AKAP19: variants seen among roughly 807,000 people sequenced by gnomAD.
The protein encoded by AKAP19 is A-kinase anchoring protein 19, also known as small A-kinase anchoring protein.
At chr2:189,987,303 C>A in the AKAP19 span, among the ~76,000 whole-genome samples, 6 of 152,194 alleles carry the variant, frequency 3.9e-5, no homozygotes, top group African/African-American at 1.2e-4. Context: ...TGCCTCCCAC[C>A]ATGATTCTGA....
the AKAP19 span, among the ~76,000 whole-genome samples, chr2:189,921,772 C>T: frequency 2.6e-5 from 4 of 152,136 alleles, no homozygotes; most frequent in African/African-American, 7.2e-5. Flanking sequence ...GTATGATCAG[C>T]TGGCAGTCAG....
the AKAP19 span, among the ~76,000 whole-genome samples, chr2:190,106,243 G>A: frequency 3.9e-5 from 6 of 152,150 alleles, no homozygotes; most frequent in Non-Finnish European, 7.3e-5. Context: ...TATCTGTTCT[G>A]AGGAGCCTAA....
At chr2:189,905,653 GT>G in the AKAP19 span, among the ~76,000 whole-genome samples, 6,970 of 152,020 alleles carry the variant, frequency 0.046, 519 homozygotes, top group African/African-American at 0.16. Flanking sequence ...TTAGTTACCT[GT>G]TTGAGGCAGT....
chr2:189,906,385 T>C, the AKAP19 span, among the ~76,000 whole-genome samples: 917 of 152,196 alleles, frequency 6.0e-3, 6 homozygotes, highest in African/African-American at 0.02. Context: ...CTGGAAATAG[T>C]ATTTTTAGAT....
At chr2:189,928,626 T>C in the AKAP19 span, among the ~76,000 whole-genome samples, 2 of 152,148 alleles carry the variant, frequency 1.3e-5, no homozygotes, top group African/African-American at 2.4e-5. Flanking sequence ...TTTCTCAAAT[T>C]CATCTTTAAG....
chr2:190,180,804 G>A, the AKAP19 span: 1 of 985,312 alleles, frequency 1.0e-6, no homozygotes, highest in Non-Finnish European at 1.2e-6. The surrounding 1 kb of genome is among the most constrained non-coding windows in gnomAD (Gnocchi z 6.8). Context: ...CGGGCGCGGC[G>A]GCGACGGCAG....
chr2:190,191,666 T>C, the AKAP19 span, among the ~76,000 whole-genome samples: 1 of 152,234 alleles, frequency 6.6e-6, no homozygotes, highest in Non-Finnish European at 1.5e-5. Flanking sequence ...TTCTAACAGC[T>C]ACATAGTGGT....
the AKAP19 span, among the ~76,000 whole-genome samples, chr2:190,016,849 G>A: frequency 6.6e-6 from 1 of 152,076 alleles, no homozygotes; most frequent in African/African-American, 2.4e-5. Flanking sequence ...ATTAATTTCT[G>A]TCCAGATGAT....
the AKAP19 span, among the ~76,000 whole-genome samples, chr2:190,040,312 A>G: frequency 6.6e-6 from 1 of 152,154 alleles, no homozygotes; most frequent in Non-Finnish European, 1.5e-5. Flanking sequence ...GGCTGCATAT[A>G]TGTCTTCTTT....
At chr2:190,069,136 ATGTGTGTGTGTGTG>A in the AKAP19 span, among the ~76,000 whole-genome samples, 21 of 127,674 alleles carry the variant, frequency 1.6e-4, no homozygotes, top group South Asian at 1.1e-3. Flanking sequence ...GTGCATGCAT[ATGTGTGTGTGTGTG>A]TGTGTGTGTG....
the AKAP19 span, among the ~76,000 whole-genome samples, chr2:190,036,108 T>C: frequency 6.6e-6 from 1 of 152,176 alleles, no homozygotes; most frequent in South Asian, 2.1e-4. Context: ...TAAAAATTAG[T>C]TTTAAGTTAC....
chr2:189,913,547 G>A, the AKAP19 span, among the ~76,000 whole-genome samples: 1 of 152,202 alleles, frequency 6.6e-6, no homozygotes, highest in African/African-American at 2.4e-5. Context: ...GTAGGGAAGT[G>A]ATTACTGATC....
chr2:190,004,327 T>A, the AKAP19 span, among the ~76,000 whole-genome samples: 2 of 152,198 alleles, frequency 1.3e-5, no homozygotes, highest in Non-Finnish European at 2.9e-5. Context: ...TACTAGCCAG[T>A]GTGAGCATAT....
the AKAP19 span, among the ~76,000 whole-genome samples, chr2:190,128,879 C>T: frequency 6.6e-6 from 1 of 152,156 alleles, no homozygotes; most frequent in Non-Finnish European, 1.5e-5. Flanking sequence ...AAGGGGATGC[C>T]AGTCAATTGA....
the AKAP19 span, among the ~76,000 whole-genome samples, chr2:189,945,112 T>C: frequency 6.6e-5 from 10 of 152,102 alleles, no homozygotes; most frequent in African/African-American, 2.4e-4. Flanking sequence ...GGGAAGTTTA[T>C]AACAATAAGA....
the AKAP19 span, among the ~76,000 whole-genome samples, chr2:189,958,586 A>C: frequency 6.7e-6 from 1 of 150,232 alleles, no homozygotes; most frequent in African/African-American, 2.4e-5. Flanking sequence ...GTGTGTGTGT[A>C]TATACACAGA....
chr2:190,143,411 T>A, the AKAP19 span, among the ~76,000 whole-genome samples: 1 of 152,054 alleles, frequency 6.6e-6, no homozygotes, highest in African/African-American at 2.4e-5. Flanking sequence ...ATCCTGTAGA[T>A]CTAGCTTGGC....
the AKAP19 span, among the ~76,000 whole-genome samples, chr2:190,143,319 A>T: frequency 4.0e-5 from 6 of 149,422 alleles, no homozygotes; most frequent in Non-Finnish European, 7.4e-5. Context: ...TGAACTTTAT[A>T]GTTCCCTAAA....
At chr2:190,073,330 T>C in the AKAP19 span, among the ~76,000 whole-genome samples, 1 of 152,196 alleles carries the variant, frequency 6.6e-6, no homozygotes. Context: ...GGACAGGTAA[T>C]GTAGAACAGT....
Sources: gnomAD v4.1 joint callset for allele counts (sites outside exome capture counted in the v4.1 genomes callset) on GRCh38, gnomAD v4.1.1 for gene constraint, Gnocchi (gnomAD v3.1) non-coding constraint, MANE v1.5 for transcripts, NCBI Gene and HGNC (gene_info 2026-07-23, HGNC 2026-07-21) for gene names.